Variants in STYX observed in about 807,000 individuals in gnomAD.
The protein encoded by STYX is serine/threonine/tyrosine-interacting protein.
Under a neutral mutation model 42.7 loss-of-function variants are expected in STYX, and 20 were observed. The ratio of observed to expected loss-of-function variants is 0.47; its 90% CI spans 0.33 to 0.68. The LOEUF is 0.68. STYX is among the 30% of genes least tolerant of loss of function. The probability of loss-of-function intolerance (pLI) is 0.02; values close to 1 mark genes in which losing one functional copy is unlikely to be tolerated. For synonymous variants in STYX, 78 were observed against 81.9 expected, an observed-to-expected ratio of 0.95 and a Z score of 0.26; for missense variants, 226 against 268.5, an observed-to-expected ratio of 0.84 and a Z score of 1.11.
rs1382009042 is a variant in STYX, at chr14:52,762,878, CTTTCTTTTTTTTTTT to C, written c.504+3128_504+3142del. Among the ~76,000 whole-genome samples, 13 of 77,408 alleles carry C rather than the reference CTTTCTTTTTTTTTTT, an allele frequency of 1.7e-4. No individual in the cohort carries two copies. The East Asian group carries it at 4.2e-3, about 25-fold the overall frequency. 50.8% of individuals were successfully genotyped at this position (77,408 alleles called of 152,430 possible). ...TTTTCTTTTCTTTCTTTCTTTCTTTCTTTCTTTTTTTTTTTTTTTTTTTTTTTTTTGAGGCAGAGT... is the reference window on the plus strand; with the variant it reads ...TTTTCTTTTCTTTCTTTCTTTCTTTCTTTTTTTTTTTTTTTGAGGCAGAGT... On this transcript the variant is annotated intron_variant, in intron 9 of 10. Transcript: ENST00000354586.
chr14:52,739,791 A>G (rs1202667564), intron 1 of STYX, among the ~76,000 whole-genome samples: 1 of 151,302 alleles, frequency 6.6e-6, no homozygotes, highest in East Asian at 1.9e-4. Context: ...TCAGTCATGC[A>G]CCACCACCGC....
chr14:52,752,879 GTTGTTT>G (rs1881682067), intron 4 of STYX, among the ~76,000 whole-genome samples: 1 of 116,718 alleles, frequency 8.6e-6, no homozygotes. Context: ...TTTTGTTGTT[GTTGTTT>G]TTTTTTTTTT....
intron 1 of STYX, among the ~76,000 whole-genome samples, chr14:52,743,236 T>C (rs1323313987): frequency 1.3e-5 from 2 of 152,132 alleles, no homozygotes; most frequent in African/African-American, 2.4e-5. Flanking sequence ...TGTAGGATTA[T>C]TATTCTCTCT....
At chr14:52,752,509 A>C (rs143691740) in intron 4 of STYX, among the ~76,000 whole-genome samples, 48 of 152,290 alleles carry the variant, frequency 3.2e-4, no homozygotes, top group African/African-American at 1.0e-3. Flanking sequence ...TTTTACAATG[A>C]AACCAATCTA....
chr14:52,756,155 A>G (rs1881856111), intron 4 of STYX, among the ~76,000 whole-genome samples: 1 of 152,166 alleles, frequency 6.6e-6, no homozygotes, highest in Non-Finnish European at 1.5e-5. Flanking sequence ...AGCTGGGACT[A>G]TAAGTGCACA....
intron 1 of STYX, among the ~76,000 whole-genome samples, chr14:52,733,097 C>T (rs1880800014): frequency 6.6e-6 from 1 of 152,090 alleles, no homozygotes; most frequent in Non-Finnish European, 1.5e-5. Flanking sequence ...AAGTGATGTG[C>T]CAAATTAACA....
At chr14:52,754,109 C>CA (rs1175720552) in intron 4 of STYX, among the ~76,000 whole-genome samples, 3 of 151,878 alleles carry the variant, frequency 2.0e-5, no homozygotes, top group Non-Finnish European at 4.4e-5. Flanking sequence ...AGGCTGGTCT[C>CA]AAACTCCTGA....
chr14:52,744,803 G>T (rs759000880), intron 1 of STYX, 49 bp from the exon 2 acceptor site: 7 of 1,578,402 alleles, frequency 4.4e-6, no homozygotes, highest in Non-Finnish European at 3.5e-6. Context: ...CTTTAATTGG[G>T]TGACTTTTTA....
intron 3 of STYX, among the ~76,000 whole-genome samples, chr14:52,749,972 T>G (rs1418740232): frequency 6.6e-6 from 1 of 152,204 alleles, no homozygotes; most frequent in Non-Finnish European, 1.5e-5. Context: ...ATGAATTTTG[T>G]GTTTAAACTT....
At chr14:52,745,617 T>C (rs1881366939) in intron 2 of STYX, among the ~76,000 whole-genome samples, 1 of 152,256 alleles carries the variant, frequency 6.6e-6, no homozygotes, top group Non-Finnish European at 1.5e-5. Flanking sequence ...TTCTAGAAGA[T>C]CAAATTGAAT....
At chr14:52,753,892 A>AT (rs56734068) in intron 4 of STYX, among the ~76,000 whole-genome samples, 1,388 of 77,232 alleles carry the variant, frequency 0.018, 280 homozygotes, top group African/African-American at 0.032. Flanking sequence ...CAAAACACTG[A>AT]TTTTTTTTTT....
intron 4 of STYX, among the ~76,000 whole-genome samples, chr14:52,754,123 C>T (rs1881751361): frequency 6.6e-6 from 1 of 151,694 alleles, no homozygotes; most frequent in African/African-American, 2.4e-5. Flanking sequence ...CTCCTGACCT[C>T]GTGATCCGCC....
intron 1 of STYX, among the ~76,000 whole-genome samples, chr14:52,736,298 C>A (rs1880947276): frequency 6.6e-6 from 1 of 152,182 alleles, no homozygotes; most frequent in African/African-American, 2.4e-5. Flanking sequence ...TGGTTCAATT[C>A]CCCAGCTACT....
In STYX at chr14:52,756,554, T is replaced by C. The variant is rs780649562; in HGVS notation, c.246T>C (p.Tyr82=). 2 of 1,522,696 alleles carry C rather than the reference T, an allele frequency of 1.3e-6. No individual in the cohort carries two copies. Among genetic ancestry groups the C allele is most frequent in the Non-Finnish European group, 1.8e-6 (2 of 1,116,742 alleles). The allele number at this position is 1,522,696 out of a possible 1,614,324, so 94.3% of individuals were successfully genotyped here. ...TCACAAAATACTCTATTTTCAGATA[T>C]TTAGTCCTGGATATTGCAGATAATC... ...IKPNFQQLFR[Y]LVLDIADNPV... is the part of the protein sequence containing the mutation. Residue 82 remains tyrosine (Y), a synonymous_variant, in exon 5 of 11, where the codon TAT becomes TAC. Transcript: ENST00000354586.
At chr14:52,764,240 C>T (rs1188238195) in intron 9 of STYX, among the ~76,000 whole-genome samples, 1 of 152,162 alleles carries the variant, frequency 6.6e-6, no homozygotes, top group Non-Finnish European at 1.5e-5. Flanking sequence ...ATCCTCCCAC[C>T]TCGGCCTCCC....
intron 10 of STYX, 133 bp downstream of exon 10, chr14:52,769,066 T>C (rs997630499): frequency 5.1e-5 from 32 of 626,808 alleles, no homozygotes; most frequent in Non-Finnish European, 4.9e-5. Flanking sequence ...TCCAGAAGGA[T>C]TCATTTTATA....
At chr14:52,750,841 C>CA in intron 4 of STYX, 61 bp downstream of exon 4, 2 of 1,174,922 alleles carry the variant, frequency 1.7e-6, no homozygotes, top group Non-Finnish European at 2.4e-6. Flanking sequence ...GGTTTTGTAC[C>CA]ATCAGTTGTT....
chr14:52,743,984 A>G (rs926103295), intron 1 of STYX, among the ~76,000 whole-genome samples: 3 of 151,934 alleles, frequency 2.0e-5, no homozygotes, highest in Non-Finnish European at 4.4e-5. Flanking sequence ...ACCATGCCCA[A>G]CGAATTTTTT....
intron 5 of STYX, 133 bp downstream of exon 5, chr14:52,756,744 A>G (rs1333174149): frequency 1.1e-5 from 5 of 435,296 alleles, no homozygotes; most frequent in African/African-American, 2.5e-5. Context: ...CTGGAGTGCA[A>G]TGGCGCAATC....
Sources: gnomAD v4.1 joint callset for allele counts (sites outside exome capture counted in the v4.1 genomes callset) on GRCh38, gnomAD v4.1.1 for gene constraint, MANE v1.5 for transcripts, NCBI Gene and HGNC (gene_info 2026-07-23, HGNC 2026-07-21) for gene names.